Variants in LRRTM4 observed in about 807,000 individuals in gnomAD.
The protein encoded by LRRTM4 is leucine-rich repeat transmembrane neuronal protein 4.
In LRRTM4, 25 loss-of-function variants were observed where a neutral mutation model predicts 47.6. That is an observed-to-expected ratio of 0.53 (90% CI 0.38 to 0.73). The LOEUF is 0.73. Ranked by LOEUF, LRRTM4 falls within the 30% of genes least tolerant of loss-of-function variation. LRRTM4 has a pLI of 0.00. For synonymous variants in LRRTM4, 311 were observed against 269.5 expected (o/e 1.15, Z -1.51); for missense variants, 638 against 713.4 (o/e 0.89, Z 1.20).
At chr2:76,907,162 T>A (rs1673872444) in intron 3 of LRRTM4, among the ~76,000 whole-genome samples, 1 of 151,590 alleles carries the variant, frequency 6.6e-6, no homozygotes, top group African/African-American at 2.4e-5. Flanking sequence ...CACAGTGCAA[T>A]CAAACTAGAA....
rs1553423201 is a variant in LRRTM4, at chr2:76,873,461, CGT to C, written c.1552-124547_1552-124546del. ...ATAGTCTGTGTGTATATATATATAA[CGT>C]GTGTGTGTGTATATATATATGTGTG... On this transcript the variant is annotated intron_variant, in intron 3 of 3. Transcript: ENST00000409884. 2.7e-3 allele frequency among the ~76,000 whole-genome samples: 319 copies of C among 118,080 alleles called. 7 individuals are homozygous for C. Among genetic ancestry groups the C allele is most frequent in the African/African-American group, 8.7e-3 (292 of 33,712 alleles). The allele number at this position is 118,080 out of a possible 152,430, so 77.5% of individuals were successfully genotyped here.
chr2:76,856,898 G>A (rs1411483126), intron 3 of LRRTM4, among the ~76,000 whole-genome samples: 3 of 151,054 alleles, frequency 2.0e-5, no homozygotes, highest in Non-Finnish European at 4.4e-5. Context: ...TCCCCTCTAA[G>A]TTTTCAAAAA....
intron 3 of LRRTM4, among the ~76,000 whole-genome samples, chr2:76,974,731 ATAC>A (rs1163797453): frequency 1.3e-5 from 2 of 151,754 alleles, no homozygotes; most frequent in Non-Finnish European, 3.0e-5. Context: ...ATATTCTGAC[ATAC>A]TATTATAAAT....
At chr2:76,831,404 GT>G (rs1306615015) in intron 3 of LRRTM4, among the ~76,000 whole-genome samples, 2 of 152,082 alleles carry the variant, frequency 1.3e-5, no homozygotes, top group Non-Finnish European at 2.9e-5. Context: ...TGTTGACTCT[GT>G]GTTCTACACC....
chr2:77,262,157 C>T (rs1157066639), intron 3 of LRRTM4, among the ~76,000 whole-genome samples: 2 of 152,040 alleles, frequency 1.3e-5, no homozygotes, highest in Non-Finnish European at 2.9e-5. Flanking sequence ...CGTCTAGTTG[C>T]AGAAAGACAA....
intron 3 of LRRTM4, among the ~76,000 whole-genome samples, chr2:77,042,957 T>TG (rs59361151): frequency 0.057 from 8,706 of 151,542 alleles, 546 homozygotes; most frequent in East Asian, 0.14. Context: ...GGTGAAGAGT[T>TG]GGGGGTGGGC....
At chr2:77,211,632 C>A (rs1674296187) in intron 3 of LRRTM4, among the ~76,000 whole-genome samples, 1 of 152,104 alleles carries the variant, frequency 6.6e-6, no homozygotes, top group Non-Finnish European at 1.5e-5. Flanking sequence ...GTAAGCCTAT[C>A]ACTACCCTTT....
rs542824803 is a variant in LRRTM4, at chr2:77,502,925, C to G, written c.1551+15393G>C. ...ACACATTGTCCAAGGAGAAAGAATG[C>G]AAATAAGAGGAAAACAAAATAAAGC... On this transcript the variant is annotated intron_variant, in intron 3 of 3. Transcript: ENST00000409884. Among the ~76,000 whole-genome samples the G allele has an allele frequency of 8.1e-4, 122 of 150,794 alleles. 2 individuals carry two copies. The highest frequency in any genetic ancestry group is 2.6e-3 in the African/African-American group (108 of 40,920).
chr2:77,307,538 TATATCTATATATTATAGAA>T (rs1254957708), intron 3 of LRRTM4, among the ~76,000 whole-genome samples: 1 of 139,364 alleles, frequency 7.2e-6, no homozygotes, highest in Non-Finnish European at 1.5e-5. Flanking sequence ...AATATATAGA[TATATCTATATATTATAGAA>T]ATATAAATAT....
At chr2:76,823,464 GC>G (rs1319458161) in intron 3 of LRRTM4, among the ~76,000 whole-genome samples, 1 of 151,334 alleles carries the variant, frequency 6.6e-6, no homozygotes, top group Admixed American at 6.6e-5. Flanking sequence ...GAGTATACAA[GC>G]AAAATTACAT....
chr2:76,779,580 C>CA (rs1270031172), intron 3 of LRRTM4, among the ~76,000 whole-genome samples: 1 of 149,234 alleles, frequency 6.7e-6, no homozygotes, highest in African/African-American at 2.5e-5. Flanking sequence ...ACTAGGATTG[C>CA]AACCCCTGCC....
At chr2:77,201,202 T>C (rs567458555) in intron 3 of LRRTM4, among the ~76,000 whole-genome samples, 3 of 152,284 alleles carry the variant, frequency 2.0e-5, no homozygotes, top group South Asian at 2.1e-4. Flanking sequence ...AGAAGTCTTA[T>C]CTGTTGGTTG....
intron 3 of LRRTM4, among the ~76,000 whole-genome samples, chr2:76,949,994 G>T (rs1034350480): frequency 2.0e-5 from 3 of 151,846 alleles, no homozygotes; most frequent in Non-Finnish European, 2.9e-5. Context: ...CTGGTGAAAA[G>T]TAATAAGACA....
intron 3 of LRRTM4, among the ~76,000 whole-genome samples, chr2:77,115,709 T>C (rs1373107330): frequency 1.3e-5 from 2 of 152,324 alleles, no homozygotes; most frequent in Admixed American, 6.5e-5. Context: ...GGACAAAGTA[T>C]ATAGATTGAC....
intron 3 of LRRTM4, among the ~76,000 whole-genome samples, chr2:77,306,492 C>G (rs1332956564): frequency 1.3e-5 from 2 of 152,136 alleles, no homozygotes; most frequent in African/African-American, 4.8e-5. Flanking sequence ...CAGACATATC[C>G]CAAAATGTTA....
intron 3 of LRRTM4, among the ~76,000 whole-genome samples, chr2:76,993,572 G>C (rs1288105835): frequency 1.3e-5 from 2 of 151,918 alleles, no homozygotes; most frequent in African/African-American, 4.8e-5. Context: ...TCTCACATAA[G>C]TCAGAATGGC....
chr2:77,444,071 G>A (rs1458069306), intron 3 of LRRTM4, among the ~76,000 whole-genome samples: 17 of 152,100 alleles, frequency 1.1e-4, no homozygotes, highest in Admixed American at 2.6e-4. Flanking sequence ...AAACAGGTAA[G>A]TAAGAGCTTA....
chr2:77,519,928 T>A lies in LRRTM4; in HGVS notation c.5-64A>T, dbSNP rs1679416479. 6.8e-7 allele frequency: 1 copy of A among 1,474,424 alleles called. No individual in the cohort carries two copies. The highest frequency in any genetic ancestry group is 1.4e-5 in the African/African-American group (1 of 70,480). 91.3% of individuals were successfully genotyped at this position (1,474,424 alleles called of 1,614,324 possible). ...CTATTAAAATAAATCACCGTCGGTT[T>A]ACCAACAACAGGGGCATTTCCTCTA... On this transcript the variant is annotated intron_variant, in intron 2 of 3. Coordinates refer to ENST00000409884, the MANE Select transcript of LRRTM4 (RefSeq NM_001134745.3). The surrounding 1 kb of genome is among the most constrained non-coding windows in gnomAD (Gnocchi z 4.6).
At chr2:77,372,210 G>A (rs1339369374) in intron 3 of LRRTM4, among the ~76,000 whole-genome samples, 1 of 151,606 alleles carries the variant, frequency 6.6e-6, no homozygotes, top group Non-Finnish European at 1.5e-5. Flanking sequence ...TGTCTTAGAG[G>A]GAGAATTAAT....
Sources: gnomAD v4.1 joint callset for allele counts (sites outside exome capture counted in the v4.1 genomes callset) on GRCh38, gnomAD v4.1.1 for gene constraint, Gnocchi (gnomAD v3.1) non-coding constraint, MANE v1.5 for transcripts, NCBI Gene and HGNC (gene_info 2026-07-23, HGNC 2026-07-21) for gene names.